The following DDX55 variants were observed in gnomAD, a reference collection of about 807,000 sequenced individuals.
The protein encoded by DDX55 is ATP-dependent RNA helicase DDX55.
In DDX55, 56 loss-of-function variants were observed where a neutral mutation model predicts 69.2. That is an observed-to-expected ratio of 0.81 (90% CI 0.65 to 1.01). The LOEUF (loss-of-function observed/expected upper bound fraction) is 1.01. DDX55 is among the 50% of genes least tolerant of loss of function. The pLI is 0.00. For synonymous variants in DDX55, 268 were observed against 273.1 expected, an observed-to-expected ratio of 0.98 and a Z score of 0.18; for missense variants, 720 against 745.1, an observed-to-expected ratio of 0.97 and a Z score of 0.39.
chr12:123,613,066 G>T, intron 7 of DDX55, 104 bp from the exon 8 acceptor site: 2 of 1,193,568 alleles, frequency 1.7e-6, no homozygotes, highest in Non-Finnish European at 2.4e-6. Context: ...TCCTACCCAT[G>T]GGGGAAATGA....
intron 13 of DDX55, 30 bp from the exon 14 acceptor site, chr12:123,619,934 T>G: frequency 6.3e-7 from 1 of 1,590,874 alleles, no homozygotes; most frequent in Non-Finnish European, 8.5e-7. Flanking sequence ...CTGAAAAATT[T>G]AGTAGTTTAT....
intron 1 of DDX55, 159 bp from the exon 2 acceptor site, chr12:123,605,772 C>T (rs898475586): frequency 2.0e-5 from 19 of 948,012 alleles, no homozygotes; most frequent in East Asian, 1.5e-4. Flanking sequence ...ACAGTTGCCA[C>T]GTTTGATTCA....
intron 12 of DDX55, 51 bp from the exon 13 acceptor site, chr12:123,619,381 A>C: frequency 3.2e-6 from 5 of 1,550,654 alleles, no homozygotes; most frequent in Non-Finnish European, 4.3e-6. Flanking sequence ...GCCATTACTG[A>C]TTGTTCTAAT....
chr12:123,616,799 C>G, intron 10 of DDX55, 196 bp downstream of exon 10: 1 of 630,018 alleles, frequency 1.6e-6, no homozygotes, highest in Admixed American at 2.7e-5. Flanking sequence ...GAGGCCTTGC[C>G]GTGCTCCATG....
rs1031205084 is a variant in DDX55, at chr12:123,620,808, G to A, written c.*668G>A. 1 of 151,284 alleles carries A rather than the reference G, an allele frequency of 6.6e-6. No homozygotes were observed. The highest frequency in any genetic ancestry group is 1.5e-5 in the Non-Finnish European group (1 of 67,880). The allele number at this position is 151,284 out of a possible 1,614,324, so 9.4% of individuals were successfully genotyped here. A position where few individuals can be genotyped will look rare whatever the true frequency, so the allele number is the denominator to read the frequency against. Reference sequence around the variant, plus strand: ...CTGCAGGGGTGGCTAATGTGCTGGGGTTTTTCTGTGTTAATAGTCACAGTA... The same window carrying A: ...CTGCAGGGGTGGCTAATGTGCTGGGATTTTTCTGTGTTAATAGTCACAGTA... On this transcript the variant is annotated 3_prime_UTR_variant, in exon 14 of 14. Coordinates refer to ENST00000238146, the MANE Select transcript of DDX55 (RefSeq NM_020936.3).
rs1030910835 is a variant in DDX55, at chr12:123,602,367, C to A, written c.108+111C>A. ...TCTGAGCCCTGGGGCGCTCATCCCT[C>A]CAGCTGGGGCTCTTGCCTTGTCTCC... On this transcript the variant is annotated intron_variant, in intron 1 of 13. Coordinates refer to ENST00000238146, the MANE Select transcript of DDX55 (RefSeq NM_020936.3). 1.2e-5 allele frequency: 12 copies of A among 1,000,588 alleles called. No homozygotes were observed. The East Asian group carries it at 2.7e-4, about 23-fold the overall frequency. The allele number at this position is 1,000,588 out of a possible 1,614,324, so 62.0% of individuals were successfully genotyped here.
intron 6 of DDX55, 62 bp from the exon 7 acceptor site, chr12:123,609,877 A>G: frequency 1.3e-6 from 2 of 1,553,586 alleles, no homozygotes; most frequent in Non-Finnish European, 1.7e-6. Flanking sequence ...TAGTATCGTG[A>G]AGCACTGTGT....
At chr12:123,616,147 T>C (rs1213121364) in intron 9 of DDX55, among the ~76,000 whole-genome samples, 1 of 152,178 alleles carries the variant, frequency 6.6e-6, no homozygotes, top group East Asian at 1.9e-4. Context: ...CATCTGACTA[T>C]ATTAAAAGTC....
chr12:123,618,102 C>T, intron 11 of DDX55: 1 of 466,166 alleles, frequency 2.1e-6, no homozygotes, highest in East Asian at 4.7e-5. Flanking sequence ...CCGCAACCTC[C>T]ACCTCCCGGG....
intron 8 of DDX55, among the ~76,000 whole-genome samples, chr12:123,613,974 G>C (rs921532237): frequency 2.0e-5 from 3 of 151,600 alleles, no homozygotes; most frequent in Admixed American, 6.6e-5. Flanking sequence ...ATCTTTAGTA[G>C]TACATAAAAA....
chr12:123,618,507 T>G (rs1323711756), intron 11 of DDX55, 162 bp from the exon 12 acceptor site: 1 of 1,536,570 alleles, frequency 6.5e-7, no homozygotes, highest in Non-Finnish European at 8.7e-7. Context: ...AAATTTAACA[T>G]ACTTTACAGA....
chr12:123,608,212 A>G (rs905280987), intron 5 of DDX55: 2 of 171,810 alleles, frequency 1.2e-5, no homozygotes, highest in Non-Finnish European at 2.5e-5. Context: ...TTTACAAGTG[A>G]GTTACCTGGG....
chr12:123,616,542 C>G lies in DDX55; in HGVS notation c.988C>G (p.Arg330Gly). ...TTTAGTGTGCACTGATGTGATGGCCCGGGGAATTGATATTCCTGAAGTCAA... is the reference window on the plus strand; with the variant it reads ...TTTAGTGTGCACTGATGTGATGGCCGGGGGAATTGATATTCCTGAAGTCAA... ...GILVCTDVMA[R>G]GIDIPEVNWV... The change falls in exon 10 of 14, where the codon CGG becomes GGG. Residue 330 changes from arginine (R) to glycine (G), a missense_variant. By Grantham distance (125) the Arg-to-Gly change is moderately radical. Coordinates refer to ENST00000238146, the MANE Select transcript of DDX55 (RefSeq NM_020936.3). 2 of 1,614,024 alleles carry G rather than the reference C, an allele frequency of 1.2e-6. No homozygotes were observed. The highest frequency in any genetic ancestry group is 1.1e-5 in the South Asian group (1 of 91,068).
chr12:123,619,211 G>T (rs994461530), intron 12 of DDX55, among the ~76,000 whole-genome samples: 1 of 152,188 alleles, frequency 6.6e-6, no homozygotes, highest in Non-Finnish European at 1.5e-5. Flanking sequence ...CACCGTGTTA[G>T]CCAGGATGGT....
chr12:123,613,386 C>T, intron 8 of DDX55, 134 bp downstream of exon 8: 2 of 868,452 alleles, frequency 2.3e-6, no homozygotes, highest in Non-Finnish European at 3.5e-6. Flanking sequence ...AACTGAAAAC[C>T]CAACTTTTGT....
intron 3 of DDX55, 59 bp from the exon 4 acceptor site, chr12:123,607,373 A>T (rs548667662): frequency 6.3e-7 from 1 of 1,585,396 alleles, no homozygotes; most frequent in African/African-American, 1.3e-5. Flanking sequence ...AGGGCCTATG[A>T]GTTCCTCTCT....
At position 123,609,948 on chromosome 12, in the gene DDX55, C is replaced by A; in HGVS notation, c.561C>A (p.Thr187=). 6.2e-7 allele frequency: 1 copy of A among 1,613,344 alleles called. No homozygotes were observed. The highest frequency in any genetic ancestry group is 1.1e-5 in the South Asian group (1 of 90,980). The change falls in exon 7 of 14, where the codon ACC becomes ACA. Residue 187 remains threonine, a synonymous_variant. Coordinates refer to ENST00000238146, the MANE Select transcript of DDX55 (RefSeq NM_020936.3). ...GCCCTCTTTTTATCAGCATCAACAC[C>A]ATTCTGGAGTTTTTGCCAAAGCAGA... ...LDMGFEASIN[T]ILEFLPKQRR... is the part of the protein sequence containing the mutation.
At position 123,602,156 on chromosome 12, in the gene DDX55, A is replaced by C; in HGVS notation, c.8A>C (p.His3Pro). ...GCGGCGAAGGAGCGCGCCATGGAGC[A>C]TGTGACAGAGGGCTCCTGGGAGTCG... ME[H>P]VTEGSWESLP... Residue 3 changes from histidine to proline, a missense_variant, in exon 1 of 14, where the codon CAT becomes CCT. Physicochemically the swap from His to Pro is moderately conservative, Grantham distance 77 (BLOSUM62 -2). Transcript: ENST00000238146. 1 of 1,556,056 alleles carries C rather than the reference A, an allele frequency of 6.4e-7. No homozygotes were observed. The highest frequency in any genetic ancestry group is 8.7e-7 in the Non-Finnish European group (1 of 1,152,100).
rs1368913179 is a variant in DDX55, at chr12:123,610,035, C to T, written c.648C>T (p.Gly216=). ...TQEVENLVRA[G]LRNPVRVSVK... is the part of the protein sequence containing the mutation. ...AAGTGGAGAACCTGGTGAGAGCGGG[C>T]CTCCGGAACCCTGTCCGGGTCTCAG... The change falls in exon 7 of 14, where the codon GGC becomes GGT. Residue 216 remains glycine, a synonymous_variant. Transcript: ENST00000238146. 2 of 1,614,126 alleles carry T rather than the reference C, an allele frequency of 1.2e-6. No individual in the cohort carries two copies. Among genetic ancestry groups the T allele is most frequent in the Non-Finnish European group, 1.7e-6 (2 of 1,180,022 alleles).
Sources: allele counts gnomAD v4.1 joint callset (sites outside exome capture counted in the v4.1 genomes callset), GRCh38; gene constraint gnomAD v4.1.1; transcripts MANE v1.5; gene names NCBI Gene and HGNC (gene_info 2026-07-23, HGNC 2026-07-21).